The following ASAP1 variants were observed in gnomAD, a reference collection of about 807,000 sequenced individuals.
ASAP1 encodes arf-GAP with SH3 domain, ANK repeat and PH domain-containing protein 1.
ASAP1 carries 43 observed loss-of-function variants against 145.2 expected under a neutral mutation model. The ratio of observed to expected loss-of-function variants is 0.30; its 90% confidence interval spans 0.23 to 0.38. The LOEUF (loss-of-function observed/expected upper bound fraction) is 0.38. ASAP1 is among the 10% of genes least tolerant of loss of function. The probability of loss-of-function intolerance (pLI) is 1.00; values close to 1 mark genes in which losing one functional copy is unlikely to be tolerated. For missense variants in ASAP1, 1,018 were observed against 1,355.3 expected (o/e 0.75, Z 3.91); for synonymous variants, 546 against 515.5 (o/e 1.06, Z -0.80).
chr8:130,063,607 G>A (rs184891017), intron 27 of ASAP1, among the ~76,000 whole-genome samples: 91 of 152,276 alleles, frequency 6.0e-4, no homozygotes, highest in African/African-American at 2.1e-3. Context: ...GAGACCTGCT[G>A]CATGACGTAG....
At chr8:130,061,483 G>T (rs1377438388) in intron 27 of ASAP1, among the ~76,000 whole-genome samples, 1 of 151,768 alleles carries the variant, frequency 6.6e-6, no homozygotes, top group Non-Finnish European at 1.5e-5. Flanking sequence ...TACCATTTTA[G>T]CAACAGTATT....
At chr8:130,329,494 T>G (rs1168127953) in intron 3 of ASAP1, among the ~76,000 whole-genome samples, 1 of 152,170 alleles carries the variant, frequency 6.6e-6, no homozygotes, top group Non-Finnish European at 1.5e-5. Flanking sequence ...GGAGGTCAGC[T>G]GGTCCAAATC....
intron 27 of ASAP1, among the ~76,000 whole-genome samples, chr8:130,064,892 A>AGTGTGTGT (rs1564918831): frequency 5.7e-5 from 6 of 105,938 alleles, no homozygotes; most frequent in Non-Finnish European, 9.7e-5. Flanking sequence ...GTTTACTAAG[A>AGTGTGTGT]ATGTGTGTGT....
At chr8:130,268,723 A>T (rs1820417028) in intron 3 of ASAP1, among the ~76,000 whole-genome samples, 1 of 152,184 alleles carries the variant, frequency 6.6e-6, no homozygotes, top group South Asian at 2.1e-4. Flanking sequence ...CCAAATATTT[A>T]AAAAATTATA....
intron 1 of ASAP1, among the ~76,000 whole-genome samples, chr8:130,418,687 A>G (rs1829590137): frequency 6.6e-6 from 1 of 151,542 alleles, no homozygotes; most frequent in African/African-American, 2.4e-5. Context: ...CCCTCTACAC[A>G]CCCCCGGCAA....
intron 3 of ASAP1, among the ~76,000 whole-genome samples, chr8:130,342,318 T>C (rs80016886): frequency 0.026 from 4,010 of 152,256 alleles, 63 homozygotes; most frequent in Middle Eastern, 0.044. Flanking sequence ...TTCTCATCTG[T>C]AAAATGAAGT....
intron 3 of ASAP1, among the ~76,000 whole-genome samples, chr8:130,301,847 C>G (rs1486183159): frequency 6.6e-6 from 1 of 152,214 alleles, no homozygotes; most frequent in East Asian, 1.9e-4. Flanking sequence ...ATGTTTACCA[C>G]TAAGGATGTC....
At chr8:130,074,239 T>C (rs1188958807) in intron 27 of ASAP1, among the ~76,000 whole-genome samples, 3 of 152,142 alleles carry the variant, frequency 2.0e-5, no homozygotes, top group African/African-American at 7.2e-5. Context: ...GAATTGCGTA[T>C]GTATGAAATT....
At position 130,117,145 on chromosome 8, in the gene ASAP1, A is replaced by G. The variant is rs550437880; in HGVS notation, c.1881-150T>C. The G allele has an allele frequency of 1.6e-4, 94 of 596,666 alleles. 1 individual carries two copies. In the Middle Eastern group the frequency reaches 1.8e-3, roughly 11 times the overall value. The allele number at this position is 596,666 out of a possible 1,614,324, so 37.0% of individuals were successfully genotyped here. A position where few individuals can be genotyped will look rare whatever the true frequency, so the allele number is the denominator to read the frequency against. On this transcript the variant is annotated intron_variant, in intron 20 of 29. Transcript: ENST00000518721. ...ATTATGATGTTTCTAACCTAGATTT[A>G]TAAGCAATACAGTGATAACAGGCAG... is the stretch of plus-strand genomic sequence containing the variant.
chr8:130,109,055 G>A (rs534302720), intron 24 of ASAP1, among the ~76,000 whole-genome samples: 22 of 152,214 alleles, frequency 1.4e-4, no homozygotes, highest in South Asian at 1.0e-3. Flanking sequence ...GATTATAGGC[G>A]TAAGCCACCG....
intron 3 of ASAP1, among the ~76,000 whole-genome samples, chr8:130,271,249 A>C (rs1280664685): frequency 6.6e-6 from 1 of 152,220 alleles, no homozygotes; most frequent in African/African-American, 2.4e-5. Context: ...GGAAAGGATG[A>C]TGCTTCAGCA....
chr8:130,396,746 G>A (rs1828548493), intron 2 of ASAP1, among the ~76,000 whole-genome samples: 2 of 152,198 alleles, frequency 1.3e-5, no homozygotes, highest in Admixed American at 1.3e-4. Context: ...GACATCAGCT[G>A]GGCTCAGGGA....
intron 3 of ASAP1, among the ~76,000 whole-genome samples, chr8:130,261,729 C>A (rs1279090821): frequency 6.6e-6 from 1 of 152,022 alleles, no homozygotes; most frequent in Non-Finnish European, 1.5e-5. Flanking sequence ...AGAGTTCATG[C>A]AAATAGTGTG....
intron 3 of ASAP1, among the ~76,000 whole-genome samples, chr8:130,300,620 C>T (rs1822603548): frequency 6.6e-6 from 1 of 152,222 alleles, no homozygotes; most frequent in Non-Finnish European, 1.5e-5. Flanking sequence ...ACCACAGTCA[C>T]ATCATTTCTT....
At chr8:130,096,310 A>G (rs1391058985) in intron 24 of ASAP1, among the ~76,000 whole-genome samples, 2 of 152,238 alleles carry the variant, frequency 1.3e-5, no homozygotes, top group Non-Finnish European at 2.9e-5. Context: ...CAGTCAGGAA[A>G]AAAGCAATTC....
chr8:130,173,838 C>A (rs1427441695), intron 9 of ASAP1, among the ~76,000 whole-genome samples: 1 of 150,732 alleles, frequency 6.6e-6, no homozygotes, highest in Non-Finnish European at 1.5e-5. Flanking sequence ...TTTGGGAGGC[C>A]GAGATGGGTA....
At chr8:130,106,617 T>C (rs2097537203) in intron 24 of ASAP1, among the ~76,000 whole-genome samples, 1 of 152,256 alleles carries the variant, frequency 6.6e-6, no homozygotes, top group South Asian at 2.1e-4. Context: ...CCTGGCCACC[T>C]ATTTCTGGGA....
In ASAP1 at chr8:130,256,739, TTATATATA is replaced by T. The variant is rs58245112; in HGVS notation, c.187-19753_187-19746del. On this transcript the variant is annotated intron_variant, in intron 3 of 29. Transcript: ENST00000518721. Reference sequence around the variant, plus strand: ...ATCTTCTTCCTGAATATACACATTCTTATATATATATATATATATATATATATATATAT... The same window carrying T: ...ATCTTCTTCCTGAATATACACATTCTTATATATATATATATATATATATAT... Among the ~76,000 whole-genome samples the T allele has an allele frequency of 9.5e-3, 909 of 95,826 alleles. 12 individuals carry two copies. The highest frequency in any genetic ancestry group is 0.034 in the East Asian group (124 of 3,596). The allele number at this position is 95,826 out of a possible 152,430, so 62.9% of individuals were successfully genotyped here.
chr8:130,186,287 A>C (rs1168040577), intron 7 of ASAP1, among the ~76,000 whole-genome samples: 3 of 152,164 alleles, frequency 2.0e-5, no homozygotes, highest in Non-Finnish European at 4.4e-5. Context: ...CAAGTCCCTA[A>C]CAATGCACTT....
Sources: gnomAD v4.1 joint callset for allele counts (sites outside exome capture counted in the v4.1 genomes callset) on GRCh38, gnomAD v4.1.1 for gene constraint, MANE v1.5 for transcripts, NCBI Gene and HGNC (gene_info 2026-07-23, HGNC 2026-07-21) for gene names.